NRXN3: variants seen among roughly 807,000 people sequenced by gnomAD.
The protein encoded by NRXN3 is neurexin III.
A neutral mutation model predicts 137.6 loss-of-function variants in NRXN3; 32 were observed. The observed-to-expected ratio is 0.23, with a 90% CI of 0.18 to 0.31. The LOEUF (loss-of-function observed/expected upper bound fraction) is 0.31, where lower values mean the gene tolerates loss of function less well. Among genes scored for constraint, NRXN3 ranks in the 10% least tolerant of loss-of-function variants. The pLI is 1.00. For missense variants in NRXN3, 1,574 were observed against 2,062.5 expected (o/e 0.76, Z 4.59); for synonymous variants, 798 against 784.5 (o/e 1.02, Z -0.29).
intron 20 of NRXN3, among the ~76,000 whole-genome samples, chr14:79,843,870 T>A (rs1285978828): frequency 6.6e-6 from 1 of 152,162 alleles, no homozygotes; most frequent in Non-Finnish European, 1.5e-5. Flanking sequence ...CAGTGTACAT[T>A]GTACCCAATA....
chr14:79,164,861 T>C (rs2061143743), intron 15 of NRXN3, among the ~76,000 whole-genome samples: 1 of 152,008 alleles, frequency 6.6e-6, no homozygotes, highest in Admixed American at 6.6e-5. Context: ...GCCACATGCA[T>C]ATGAAAGCAG....
chr14:79,445,658 T>C (rs1378508627), intron 15 of NRXN3, among the ~76,000 whole-genome samples: 1 of 152,138 alleles, frequency 6.6e-6, no homozygotes, highest in Non-Finnish European at 1.5e-5. Flanking sequence ...AGGCCAGCCA[T>C]GCAAACATCT....
chr14:78,304,606 T>C (rs1207660132), intron 4 of NRXN3, among the ~76,000 whole-genome samples: 1 of 152,158 alleles, frequency 6.6e-6, no homozygotes, highest in African/African-American at 2.4e-5. Flanking sequence ...CTTCTTCTAG[T>C]CCATTTAGGG....
chr14:78,898,667 A>G lies in NRXN3; in HGVS notation c.2276-58575A>G, dbSNP rs1036591651. ...AGTATTTTCCTCCTCTCTATATTCC[A>G]TCTCTACTTTTTGTTTATAACAAGT... On this transcript the variant is annotated intron_variant, in intron 10 of 20. Transcript: ENST00000335750. 2.0e-5 allele frequency among the ~76,000 whole-genome samples: 3 copies of G among 150,486 alleles called. No individual in the cohort carries two copies. In the East Asian group the frequency reaches 5.9e-4, roughly 30 times the overall value.
chr14:78,482,799 G>C (rs1490491012), intron 4 of NRXN3, among the ~76,000 whole-genome samples: 1 of 152,188 alleles, frequency 6.6e-6, no homozygotes, highest in Non-Finnish European at 1.5e-5. Flanking sequence ...ACAGGTGTCA[G>C]AAGTGACAGG....
At chr14:78,668,119 G>C (rs368490392) in intron 6 of NRXN3, among the ~76,000 whole-genome samples, 14 of 152,108 alleles carry the variant, frequency 9.2e-5, no homozygotes, top group African/African-American at 3.4e-4. Context: ...TTTCTTCATA[G>C]ATATTAATGT....
At chr14:78,746,416 T>C (rs952226399) in intron 8 of NRXN3, among the ~76,000 whole-genome samples, 12 of 152,164 alleles carry the variant, frequency 7.9e-5, no homozygotes, top group African/African-American at 2.9e-4. Context: ...CTCTATGTGT[T>C]GACCTTTAGT....
At chr14:78,765,979 C>T (rs2098707745) in intron 8 of NRXN3, among the ~76,000 whole-genome samples, 1 of 152,160 alleles carries the variant, frequency 6.6e-6, no homozygotes, top group Non-Finnish European at 1.5e-5. Context: ...CTTCAGCAGA[C>T]TGAAATACCT....
At chr14:78,988,258 C>T (rs753533935) in intron 15 of NRXN3, 117 bp downstream of exon 15, 13 of 1,284,754 alleles carry the variant, frequency 1.0e-5, no homozygotes, top group Non-Finnish European at 1.3e-5. Flanking sequence ...GTAATTCTCT[C>T]CTCCAGAAAC....
chr14:78,949,527 G>A (rs1247629032), intron 10 of NRXN3, among the ~76,000 whole-genome samples: 1 of 151,726 alleles, frequency 6.6e-6, no homozygotes, highest in African/African-American at 2.4e-5. Context: ...TTGGTGCAAT[G>A]TGCCATGCTT....
At position 79,002,672 on chromosome 14, in the gene NRXN3, T is replaced by G; in HGVS notation, c.3262+14531T>G. ...TTTGCTAATGTGAATAGTGCTGCAA[T>G]GAACATACGCATGCATGTATCTTTG... On this transcript the variant is annotated intron_variant, in intron 15 of 20. Transcript: ENST00000335750. Among the ~76,000 whole-genome samples the G allele has an allele frequency of 1.3e-5, 2 of 152,216 alleles. 1 individual carries two copies. The highest frequency in any genetic ancestry group is 2.9e-5 in the Non-Finnish European group (2 of 68,038).
intron 15 of NRXN3, among the ~76,000 whole-genome samples, chr14:79,008,285 A>G (rs895439072): frequency 6.6e-6 from 1 of 152,188 alleles, no homozygotes; most frequent in African/African-American, 2.4e-5. Context: ...TTTCAAGCAA[A>G]CATAAAGGAC....
intron 10 of NRXN3, among the ~76,000 whole-genome samples, chr14:78,947,870 G>A (rs2099370030): frequency 6.6e-6 from 1 of 152,158 alleles, no homozygotes; most frequent in Non-Finnish European, 1.5e-5. Flanking sequence ...AGGTTAATGG[G>A]AAGCAATCTA....
intron 10 of NRXN3, among the ~76,000 whole-genome samples, chr14:78,933,141 T>G (rs2099326972): frequency 1.3e-5 from 2 of 152,252 alleles, no homozygotes; most frequent in Admixed American, 1.3e-4. Flanking sequence ...CTTCTCTGCC[T>G]CCAACACTAG....
At chr14:78,723,359 A>T (rs915551036) in intron 8 of NRXN3, among the ~76,000 whole-genome samples, 32 of 152,364 alleles carry the variant, frequency 2.1e-4, no homozygotes, top group Non-Finnish European at 4.1e-4. Context: ...GGCAATGTCA[A>T]TAGGACTTAG....
At chr14:79,552,783 A>G (rs2097386957) in intron 16 of NRXN3, among the ~76,000 whole-genome samples, 1 of 152,132 alleles carries the variant, frequency 6.6e-6, no homozygotes, top group Non-Finnish European at 1.5e-5. Context: ...CTGCGCTTCA[A>G]ACAAAGGTTG....
At chr14:79,018,307 A>G (rs2099583275) in intron 15 of NRXN3, among the ~76,000 whole-genome samples, 1 of 131,780 alleles carries the variant, frequency 7.6e-6, no homozygotes, top group Admixed American at 7.5e-5. Context: ...GAGAGAGAGC[A>G]AGAAGAGTGA....
At chr14:78,465,009 A>G (rs1259732298) in intron 4 of NRXN3, among the ~76,000 whole-genome samples, 2 of 152,130 alleles carry the variant, frequency 1.3e-5, no homozygotes, top group Non-Finnish European at 2.9e-5. Context: ...TAGAATGCCT[A>G]CTATTCATTT....
chr14:78,549,465 C>G (rs923542880), intron 4 of NRXN3, among the ~76,000 whole-genome samples: 1 of 152,152 alleles, frequency 6.6e-6, no homozygotes, highest in South Asian at 2.1e-4. Context: ...GCCACAACAA[C>G]CTGTGTGAAT....
Sources: allele counts gnomAD v4.1 joint callset (sites outside exome capture counted in the v4.1 genomes callset), GRCh38; gene constraint gnomAD v4.1.1; transcripts MANE v1.5; gene names NCBI Gene and HGNC (gene_info 2026-07-23, HGNC 2026-07-21).